ZBTB44: variants seen among roughly 807,000 people sequenced by gnomAD.
ZBTB44 encodes zinc finger and BTB domain-containing protein 44.
A neutral mutation model predicts 54.0 loss-of-function variants in ZBTB44; 15 were observed. The ratio of observed to expected loss-of-function variants is 0.28; its 90% CI spans 0.19 to 0.43. ZBTB44 has a LOEUF of 0.43. Ranked by LOEUF, ZBTB44 falls within the 20% of genes least tolerant of loss-of-function variation. The probability of loss-of-function intolerance (pLI) is 1.00; values close to 1 mark genes in which losing one functional copy is unlikely to be tolerated. For missense variants in ZBTB44, 487 were observed against 707.1 expected (o/e 0.69, Z 3.53); for synonymous variants, 230 against 250.1 (o/e 0.92, Z 0.76).
Position 130,288,768 on chromosome 11 carries a change from G to A in ZBTB44, c.-57+25607C>T, listed in dbSNP as rs1239878322. Among the ~76,000 whole-genome samples the A allele has an allele frequency of 4.0e-5, 6 of 151,372 alleles. No homozygotes were observed. The South Asian group carries it at 1.3e-3, about 32-fold the overall frequency. ...AAAAATTATCCAGGCATGGTGACAC[G>A]CACCTGTAATCCCAGCTACTTGGGA... On this transcript the variant is annotated intron_variant, in intron 1 of 7. Coordinates refer to ENST00000357899, the MANE Select transcript of ZBTB44 (RefSeq NM_001301098.2).
intron 1 of ZBTB44, chr11:130,285,730 A>C (rs1055853539): frequency 4.1e-6 from 1 of 241,572 alleles, no homozygotes; most frequent in South Asian, 6.9e-5. Context: ...TGTACTCTGG[A>C]ATAGAGTAGT....
At chr11:130,249,286 A>T (rs1354159572) in intron 2 of ZBTB44, among the ~76,000 whole-genome samples, 1 of 152,242 alleles carries the variant, frequency 6.6e-6, no homozygotes, top group Non-Finnish European at 1.5e-5. Context: ...TTCGTTACTC[A>T]GAAGGTACCA....
intron 2 of ZBTB44, among the ~76,000 whole-genome samples, chr11:130,242,389 T>C (rs1279601599): frequency 6.6e-6 from 1 of 152,232 alleles, no homozygotes; most frequent in South Asian, 2.1e-4. Context: ...TTATCATATA[T>C]ACATGTTCTC....
At chr11:130,265,030 C>T (rs1463301347) in intron 1 of ZBTB44, among the ~76,000 whole-genome samples, 2 of 152,290 alleles carry the variant, frequency 1.3e-5, no homozygotes, top group African/African-American at 2.4e-5. Flanking sequence ...TGGGGTACCA[C>T]AAACTGCACC....
intron 2 of ZBTB44, among the ~76,000 whole-genome samples, chr11:130,247,505 GA>G (rs1937628854): frequency 6.6e-6 from 1 of 152,176 alleles, no homozygotes; most frequent in South Asian, 2.1e-4. Context: ...GCTCCTTGGT[GA>G]AACTGTTTTC....
At chr11:130,304,397 A>G (rs1942156272) in intron 1 of ZBTB44, among the ~76,000 whole-genome samples, 1 of 152,200 alleles carries the variant, frequency 6.6e-6, no homozygotes, top group South Asian at 2.1e-4. Flanking sequence ...GTATTAAAAA[A>G]TCATATTGGA....
chr11:130,281,452 C>T (rs575644427), intron 1 of ZBTB44, among the ~76,000 whole-genome samples: 4 of 151,378 alleles, frequency 2.6e-5, no homozygotes, highest in South Asian at 2.1e-4. Context: ...CCCAGGAGTT[C>T]GAAACAGCAG....
chr11:130,306,863 G>A (rs1409109251), intron 1 of ZBTB44, among the ~76,000 whole-genome samples: 2 of 151,990 alleles, frequency 1.3e-5, no homozygotes, highest in Non-Finnish European at 2.9e-5. Context: ...AGCATATGAA[G>A]GATATAACGG....
At chr11:130,295,908 T>C (rs1941614667) in intron 1 of ZBTB44, 1 of 1,506,358 alleles carries the variant, frequency 6.6e-7, no homozygotes, top group South Asian at 1.1e-5. Context: ...TGATAATGGG[T>C]GGCAGTAACG....
chr11:130,244,403 C>A (rs1292771736), intron 2 of ZBTB44, among the ~76,000 whole-genome samples: 1 of 152,096 alleles, frequency 6.6e-6, no homozygotes, highest in African/African-American at 2.4e-5. Flanking sequence ...TGCAGTGGCT[C>A]ATGCCTGTAA....
rs965944603 is a variant in ZBTB44, at chr11:130,256,648, C to T, written c.1018+4208G>A. Among the ~76,000 whole-genome samples, 13 of 141,610 alleles carry T rather than the reference C, an allele frequency of 9.2e-5. 1 individual carries two copies. Among genetic ancestry groups the T allele is most frequent in the South Asian group, 4.2e-4 (2 of 4,766 alleles). 92.9% of individuals were successfully genotyped at this position (141,610 alleles called of 152,430 possible). ...CCAGCCTGGTGACAGAGTGAGACTC[C>T]GTCTCAAAAATAAATAAATAAATAA... On this transcript the variant is annotated intron_variant, in intron 2 of 7. Transcript: ENST00000357899.
intron 6 of ZBTB44, chr11:130,233,596 C>T (rs1316159351): frequency 7.5e-7 from 1 of 1,336,624 alleles, no homozygotes; most frequent in Non-Finnish European, 9.6e-7. Flanking sequence ...TCTACTCAGG[C>T]CATTTGTCAA....
chr11:130,310,031 T>C (rs1466417476), intron 1 of ZBTB44: 1 of 152,144 alleles, frequency 6.6e-6, no homozygotes, highest in African/African-American at 2.4e-5. Flanking sequence ...ATATGGTATC[T>C]AGGCCTACGG....
intron 1 of ZBTB44, among the ~76,000 whole-genome samples, chr11:130,262,200 G>A (rs1489912208): frequency 6.6e-6 from 1 of 152,042 alleles, no homozygotes; most frequent in Non-Finnish European, 1.5e-5. Flanking sequence ...AGTGCAGCGG[G>A]GTGGTCTTGG....
chr11:130,247,543 T>C (rs906760836), intron 2 of ZBTB44, among the ~76,000 whole-genome samples: 1 of 152,238 alleles, frequency 6.6e-6, no homozygotes, highest in African/African-American at 2.4e-5. Flanking sequence ...CTGAAGATCA[T>C]CTGCCTGCCT....
intron 1 of ZBTB44, among the ~76,000 whole-genome samples, chr11:130,283,719 A>G (rs928482074): frequency 6.6e-6 from 1 of 151,954 alleles, no homozygotes; most frequent in African/African-American, 2.4e-5. Context: ...TAATCCCAGC[A>G]CTTTGGGAGG....
rs1249882684 is a variant in ZBTB44 at position 130,228,559 on chromosome 11, A to T, written c.*3205T>A. ...CTAAGAACTGCAGGAAAGGCTTCCC[A>T]TCTTGAACACAGCTTCCACTAATAC... On this transcript the variant is annotated 3_prime_UTR_variant, in exon 8 of 8. Transcript: ENST00000357899. 2.0e-5 allele frequency: 3 copies of T among 152,174 alleles called. No homozygotes were observed. Among genetic ancestry groups the T allele is most frequent in the Non-Finnish European group, 4.4e-5 (3 of 68,028 alleles). 9.4% of individuals were successfully genotyped at this position (152,174 alleles called of 1,614,324 possible).
At chr11:130,259,964 T>C (rs1422673658) in intron 2 of ZBTB44, among the ~76,000 whole-genome samples, 1 of 151,514 alleles carries the variant, frequency 6.6e-6, no homozygotes, top group Non-Finnish European at 1.5e-5. Flanking sequence ...AAGAAAAAAA[T>C]ACTGCCAGAG....
At chr11:130,238,793 GTTTTT>G (rs376319486) in intron 3 of ZBTB44, 186 bp from the exon 4 acceptor site, 11 of 498,606 alleles carry the variant, frequency 2.2e-5, no homozygotes, top group Non-Finnish European at 3.2e-5. Flanking sequence ...AATGCCTTTT[GTTTTT>G]TTTTTTTATT....
Sources: gnomAD v4.1 joint callset for allele counts (sites outside exome capture counted in the v4.1 genomes callset) on GRCh38, gnomAD v4.1.1 for gene constraint, MANE v1.5 for transcripts, NCBI Gene and HGNC (gene_info 2026-07-23, HGNC 2026-07-21) for gene names.